The following CHRM3 variants were observed in gnomAD, a reference collection of about 807,000 sequenced individuals.
CHRM3 encodes muscarinic acetylcholine receptor M3.
In CHRM3, 11 loss-of-function variants were observed where a neutral mutation model predicts 41.8. The observed-to-expected ratio is 0.26, with a 90% CI of 0.17 to 0.44. The LOEUF is 0.44. CHRM3 is among the 20% of genes least tolerant of loss of function. CHRM3 has a pLI of 1.00. For synonymous variants in CHRM3, 297 were observed against 301.4 expected, an observed-to-expected ratio of 0.99 and a Z score of 0.15; for missense variants, 571 against 745.4, an observed-to-expected ratio of 0.77 and a Z score of 2.72.
intron 6 of CHRM3, among the ~76,000 whole-genome samples, chr1:239,838,473 A>ACATTCATTCTCT (rs1266033057): frequency 6.6e-6 from 1 of 152,208 alleles, no homozygotes; most frequent in Non-Finnish European, 1.5e-5. Context: ...CATGGCAAAC[A>ACATTCATTCTCT]CATTCCTTCT....
intron 6 of CHRM3, among the ~76,000 whole-genome samples, chr1:239,874,953 C>T (rs956908568): frequency 5.3e-5 from 8 of 152,132 alleles, no homozygotes; most frequent in Non-Finnish European, 1.0e-4. Context: ...CCCACCTCAG[C>T]CTCCCAAAGT....
intron 5 of CHRM3, among the ~76,000 whole-genome samples, chr1:239,701,852 A>G (rs1558468216): frequency 2.6e-5 from 4 of 152,206 alleles, no homozygotes; most frequent in Non-Finnish European, 4.4e-5. Context: ...CATCTGGAAT[A>G]TTCCTCACTC....
intron 5 of CHRM3, among the ~76,000 whole-genome samples, chr1:239,817,876 C>T (rs376723588): frequency 3.9e-5 from 6 of 152,154 alleles, no homozygotes; most frequent in South Asian, 4.1e-4. Flanking sequence ...ACTAGCCACG[C>T]GACTTTAGAG....
At chr1:239,515,208 A>G (rs1669177491) in intron 2 of CHRM3, among the ~76,000 whole-genome samples, 2 of 151,990 alleles carry the variant, frequency 1.3e-5, no homozygotes, top group South Asian at 4.1e-4. Flanking sequence ...ATTCAAATCT[A>G]AAGTTCTTAA....
At chr1:239,839,320 G>A (rs533631013) in intron 6 of CHRM3, among the ~76,000 whole-genome samples, 19 of 152,260 alleles carry the variant, frequency 1.2e-4, no homozygotes, top group African/African-American at 4.3e-4. Context: ...GTGTTGTTAC[G>A]GAGTGCATGC....
chr1:239,869,348 A>G (rs1260433107), intron 6 of CHRM3, among the ~76,000 whole-genome samples: 1 of 57,946 alleles, frequency 1.7e-5, no homozygotes, highest in Non-Finnish European at 7.4e-5. Flanking sequence ...AGAACAATCC[A>G]AGAATGGTTT....
chr1:239,687,095 C>T (rs944189174), intron 5 of CHRM3, among the ~76,000 whole-genome samples: 2 of 151,346 alleles, frequency 1.3e-5, no homozygotes, highest in Non-Finnish European at 2.9e-5. Context: ...TTATCTATTA[C>T]ATTATTATTT....
At chr1:239,689,184 A>T (rs1339283853) in intron 5 of CHRM3, among the ~76,000 whole-genome samples, 1 of 152,056 alleles carries the variant, frequency 6.6e-6, no homozygotes, top group African/African-American at 2.4e-5. Context: ...TAACAATTAG[A>T]GTAAAAATGT....
intron 5 of CHRM3, among the ~76,000 whole-genome samples, chr1:239,764,166 T>C (rs1346431156): frequency 6.6e-6 from 1 of 152,182 alleles, no homozygotes; most frequent in African/African-American, 2.4e-5. Flanking sequence ...TACCCCATTG[T>C]GCCAGAGTTA....
At chr1:239,742,549 C>T (rs1293147708) in intron 5 of CHRM3, among the ~76,000 whole-genome samples, 1 of 152,106 alleles carries the variant, frequency 6.6e-6, no homozygotes, top group Non-Finnish European at 1.5e-5. Context: ...AGGCAGCAGT[C>T]CTCTGAAGTC....
At chr1:239,832,138 T>C (rs1482719795) in intron 6 of CHRM3, among the ~76,000 whole-genome samples, 1 of 152,186 alleles carries the variant, frequency 6.6e-6, no homozygotes, top group African/African-American at 2.4e-5. Context: ...AGCAGCTGCA[T>C]GTGAGCCTGC....
intron 3 of CHRM3, among the ~76,000 whole-genome samples, chr1:239,586,411 G>T (rs1456128675): frequency 6.6e-6 from 1 of 152,020 alleles, no homozygotes; most frequent in Non-Finnish European, 1.5e-5. Flanking sequence ...TTTTTTTGCA[G>T]CATGGAAGTT....
At chr1:239,542,679 G>A (rs538481820) in intron 2 of CHRM3, among the ~76,000 whole-genome samples, 2 of 152,280 alleles carry the variant, frequency 1.3e-5, no homozygotes, top group South Asian at 4.1e-4. Context: ...TTAGAGCCAA[G>A]TCTTCCAGCT....
intron 5 of CHRM3, among the ~76,000 whole-genome samples, chr1:239,686,982 T>G (rs1659204679): frequency 6.6e-6 from 1 of 152,138 alleles, no homozygotes; most frequent in South Asian, 2.1e-4. Context: ...TTAACATAAG[T>G]GCTTTAAAAT....
intron 5 of CHRM3, chr1:239,730,587 A>G (rs556529724): frequency 1.7e-4 from 26 of 152,038 alleles, no homozygotes; most frequent in Non-Finnish European, 3.2e-4. Context: ...ATTCTTGTAG[A>G]GGGAACAGTC....
At position 239,912,866 on chromosome 1, in the gene CHRM3, G is replaced by A. The variant is rs1361045576; in HGVS notation, c.*3642G>A. On this transcript the variant is annotated 3_prime_UTR_variant, in exon 7 of 7. Transcript: ENST00000676153. Reference sequence around the variant, plus strand: ...CAAAGAAGCAATGAATTTAGGATGAGGAACCTGAAGTTTCTGGACCAGTTT... The same window carrying A: ...CAAAGAAGCAATGAATTTAGGATGAAGAACCTGAAGTTTCTGGACCAGTTT... 2 of 167,050 alleles carry A rather than the reference G, an allele frequency of 1.2e-5. No individual in the cohort carries two copies. The highest frequency in any genetic ancestry group is 2.4e-5 in the African/African-American group (1 of 41,434). 10.3% of individuals were successfully genotyped at this position (167,050 alleles called of 1,614,324 possible).
chr1:239,819,089 C>T (rs1671827237), intron 5 of CHRM3, among the ~76,000 whole-genome samples: 1 of 152,188 alleles, frequency 6.6e-6, no homozygotes, highest in Non-Finnish European at 1.5e-5. Flanking sequence ...AGCCAGTTAT[C>T]CTCTCAACTT....
chr1:239,643,289 T>G (rs2148931872), intron 4 of CHRM3, among the ~76,000 whole-genome samples: 1 of 152,326 alleles, frequency 6.6e-6, no homozygotes, highest in African/African-American at 2.4e-5. Flanking sequence ...ACCACTGCTC[T>G]CTTCAAAGCT....
At chr1:239,451,219 G>T (rs561669056) in intron 1 of CHRM3, among the ~76,000 whole-genome samples, 122 of 152,056 alleles carry the variant, frequency 8.0e-4, no homozygotes, top group African/African-American at 2.9e-3. Flanking sequence ...ACAAAAGAAA[G>T]AAATAAAATA....
Sources: gnomAD v4.1 joint callset for allele counts (sites outside exome capture counted in the v4.1 genomes callset) on GRCh38, gnomAD v4.1.1 for gene constraint, MANE v1.5 for transcripts, NCBI Gene and HGNC (gene_info 2026-07-23, HGNC 2026-07-21) for gene names.